The following CCDC171 variants were observed in gnomAD, a reference collection of about 807,000 sequenced individuals.
The protein encoded by CCDC171 is coiled-coil domain-containing protein 171.
CCDC171 carries 177 observed loss-of-function variants against 168.2 expected under a neutral mutation model. The ratio of observed to expected loss-of-function variants is 1.05; its 90% CI spans 0.93 to 1.19. The LOEUF (loss-of-function observed/expected upper bound fraction) is 1.19, where lower values mean the gene tolerates loss of function less well. CCDC171 is among the 50% of genes most tolerant of loss of function. CCDC171 has a pLI of 0.00. For missense variants in CCDC171, 1,991 were observed against 1,539.0 expected, an observed-to-expected ratio of 1.29 and a Z score of -4.91; for synonymous variants, 687 against 540.8, an observed-to-expected ratio of 1.27 and a Z score of -3.75.
chr9:15,748,530 C>G (rs1042054606), intron 18 of CCDC171, among the ~76,000 whole-genome samples: 17 of 152,058 alleles, frequency 1.1e-4, no homozygotes, highest in Non-Finnish European at 2.5e-4. Context: ...GATAGATTCA[C>G]CAAAGTTGAA....
At chr9:15,969,922 G>A (rs914797368) in intron 25 of CCDC171, among the ~76,000 whole-genome samples, 1 of 152,164 alleles carries the variant, frequency 6.6e-6, no homozygotes, top group Non-Finnish European at 1.5e-5. Context: ...GAGCTGAGAT[G>A]ATCAGGCCCA....
At chr9:15,568,267 C>CTTTT (rs554021809) in intron 2 of CCDC171, among the ~76,000 whole-genome samples, 27 of 126,864 alleles carry the variant, frequency 2.1e-4, no homozygotes, top group Non-Finnish European at 2.5e-4. Context: ...TCCAATACAT[C>CTTTT]TTTTTTTTTT....
intron 9 of CCDC171, 92 bp downstream of exon 9, chr9:15,666,415 A>G (rs1344330334): frequency 1.4e-5 from 12 of 839,322 alleles, no homozygotes; most frequent in African/African-American, 5.1e-5. Flanking sequence ...TTTTAGATAT[A>G]GCTCCCATTA....
intron 24 of CCDC171, among the ~76,000 whole-genome samples, chr9:15,897,292 C>A (rs72708861): frequency 0.42 from 63,674 of 151,286 alleles, 13,519 homozygotes; most frequent in African/African-American, 0.44. Flanking sequence ...TCCTTTTTTC[C>A]AAGTCATCTA....
the CCDC171 span, among the ~76,000 whole-genome samples, chr9:16,077,810 A>G: frequency 6.6e-6 from 1 of 152,176 alleles, no homozygotes. Context: ...CCTTGGACAA[A>G]TGAGGGAGGC....
intron 24 of CCDC171, 63 bp downstream of exon 24, chr9:15,874,726 G>A (rs1817623184): frequency 7.1e-7 from 1 of 1,407,662 alleles, no homozygotes; most frequent in Non-Finnish European, 9.4e-7. Context: ...GCACTAACTG[G>A]AGAGAATGAA....
At chr9:15,784,131 C>T (rs375561422) in intron 20 of CCDC171, among the ~76,000 whole-genome samples, 8 of 152,068 alleles carry the variant, frequency 5.3e-5, no homozygotes, top group African/African-American at 1.7e-4. Flanking sequence ...TAATAACATA[C>T]GCTGAACACA....
intron 10 of CCDC171, among the ~76,000 whole-genome samples, chr9:15,693,357 A>G (rs2050967430): frequency 6.6e-6 from 1 of 152,158 alleles, no homozygotes; most frequent in Admixed American, 6.5e-5. Flanking sequence ...GTCTGTGTGG[A>G]TGAATCCTAA....
At chr9:15,792,943 A>T (rs1334445997) in intron 21 of CCDC171, among the ~76,000 whole-genome samples, 3 of 152,222 alleles carry the variant, frequency 2.0e-5, no homozygotes, top group Admixed American at 1.3e-4. Flanking sequence ...AGCTAACATC[A>T]TAATGACAGG....
At chr9:15,997,579 G>A (rs958161508) in intron 3 of CCDC171, among the ~76,000 whole-genome samples, 1 of 151,638 alleles carries the variant, frequency 6.6e-6, no homozygotes, top group Non-Finnish European at 1.5e-5. Context: ...TTTACCAGAG[G>A]GAGTTTAGGG....
In CCDC171 at chr9:15,727,975, G is replaced by A. The variant is rs760511140; in HGVS notation, c.1799G>A (p.Cys600Tyr). Residue 600 changes from cysteine to tyrosine, a missense_variant, in exon 15 of 26, where the codon TGT (cysteine) becomes TAT (tyrosine). Cys to Tyr is a radical substitution (Grantham distance 194). Coordinates refer to ENST00000380701, the MANE Select transcript of CCDC171 (RefSeq NM_173550.4). ...MLDKFSWSEL[C>Y]AVLQENVDAL... ...GATAAATTCTCTTGGTCTGAGCTTT[G>A]TGCAGTCTTACAGGAGAATGTTGAT... is the stretch of plus-strand genomic sequence containing the variant. The A allele has an allele frequency of 6.2e-7, 1 of 1,613,194 alleles. No homozygotes were observed. The highest frequency in any genetic ancestry group is 8.5e-7 in the Non-Finnish European group (1 of 1,179,594).
At chr9:16,059,499 T>C (rs965489714) in intron 1 of CCDC171, among the ~76,000 whole-genome samples, 5 of 141,752 alleles carry the variant, frequency 3.5e-5, no homozygotes, top group African/African-American at 1.4e-4. Context: ...GTCTTTTTTT[T>C]TTTTTCTTTT....
At chr9:15,742,895 C>A (rs1025074514) in intron 16 of CCDC171, among the ~76,000 whole-genome samples, 4 of 152,044 alleles carry the variant, frequency 2.6e-5, no homozygotes, top group Non-Finnish European at 5.9e-5. Context: ...CACCTTCACC[C>A]TCTTGAGTAG....
chr9:15,954,065 T>G (rs1829505475), intron 25 of CCDC171, among the ~76,000 whole-genome samples: 1 of 151,952 alleles, frequency 6.6e-6, no homozygotes, highest in Admixed American at 6.6e-5. Flanking sequence ...TCTTTTTTTC[T>G]TGCCTATCTA....
At chr9:15,741,010 G>C (rs899810608) in intron 16 of CCDC171, among the ~76,000 whole-genome samples, 1 of 152,024 alleles carries the variant, frequency 6.6e-6, no homozygotes, top group Non-Finnish European at 1.5e-5. Flanking sequence ...AGGCCAAATT[G>C]ATTCCTAAAT....
At chr9:15,957,317 A>G (rs1417537240) in intron 25 of CCDC171, among the ~76,000 whole-genome samples, 1 of 152,184 alleles carries the variant, frequency 6.6e-6, no homozygotes, top group Non-Finnish European at 1.5e-5. Flanking sequence ...GCTGTCTGAC[A>G]GCTGAATGTC....
At chr9:15,626,020 A>C (rs1259747585) in intron 7 of CCDC171, among the ~76,000 whole-genome samples, 1 of 152,138 alleles carries the variant, frequency 6.6e-6, no homozygotes, top group Non-Finnish European at 1.5e-5. Flanking sequence ...GTTCTCCTTG[A>C]AGAGGTCCTT....
chr9:15,767,955 G>A (rs998376205), intron 18 of CCDC171, among the ~76,000 whole-genome samples: 1 of 148,938 alleles, frequency 6.7e-6, no homozygotes, highest in Non-Finnish European at 1.5e-5. Flanking sequence ...GGCTGGTCTT[G>A]AACTCCTGAG....
chr9:15,673,413 C>G (rs1157670766), intron 9 of CCDC171, among the ~76,000 whole-genome samples: 2 of 152,142 alleles, frequency 1.3e-5, no homozygotes, highest in Non-Finnish European at 2.9e-5. Context: ...AGAGGGTCTC[C>G]TTGTCTTGTG....
Sources: gnomAD v4.1 joint callset for allele counts (sites outside exome capture counted in the v4.1 genomes callset) on GRCh38, gnomAD v4.1.1 for gene constraint, MANE v1.5 for transcripts, NCBI Gene and HGNC (gene_info 2026-07-23, HGNC 2026-07-21) for gene names.